The following PLCE1 variants were observed in gnomAD, a reference collection of about 807,000 sequenced individuals.
PLCE1 encodes the protein 1-phosphatidylinositol 4,5-bisphosphate phosphodiesterase epsilon-1.
In PLCE1, 119 loss-of-function variants were observed where a neutral mutation model predicts 242.8. The observed-to-expected ratio is 0.49, with a 90% CI of 0.42 to 0.57. The LOEUF is 0.57. Ranked by LOEUF, PLCE1 falls within the 20% of genes least tolerant of loss-of-function variation. The pLI is 0.00. For synonymous variants in PLCE1, 945 were observed against 1,017.4 expected, an observed-to-expected ratio of 0.93 and a Z score of 1.35; for missense variants, 2,441 against 2,788.8, an observed-to-expected ratio of 0.88 and a Z score of 2.81.
At chr10:94,149,444 CTT>C (rs1392913803) in intron 3 of PLCE1, among the ~76,000 whole-genome samples, 1 of 152,158 alleles carries the variant, frequency 6.6e-6, no homozygotes, top group African/African-American at 2.4e-5. Flanking sequence ...TAATAACTGC[CTT>C]TTATTGAATC....
chr10:94,234,388 C>G, intron 6 of PLCE1, 76 bp downstream of exon 6: 1 of 1,442,702 alleles, frequency 6.9e-7, no homozygotes, highest in Non-Finnish European at 9.7e-7. Flanking sequence ...TCTGTGCTCA[C>G]CAAAGAAATG....
At chr10:94,135,063 G>A (rs2046725351) in intron 3 of PLCE1, among the ~76,000 whole-genome samples, 1 of 152,060 alleles carries the variant, frequency 6.6e-6, no homozygotes, top group Non-Finnish European at 1.5e-5. Context: ...GTCTTTACGT[G>A]CCTCAGTTAA....
chr10:94,239,255 G>A (rs1296457184), intron 7 of PLCE1, among the ~76,000 whole-genome samples: 1 of 152,164 alleles, frequency 6.6e-6, no homozygotes, highest in African/African-American at 2.4e-5. Context: ...TAATCCCCAC[G>A]TGTCAAGGGA....
At chr10:94,212,558 T>C (rs2136958324) in intron 4 of PLCE1, among the ~76,000 whole-genome samples, 1 of 152,188 alleles carries the variant, frequency 6.6e-6, no homozygotes, top group African/African-American at 2.4e-5. Context: ...GCCCAGCCAA[T>C]TTTTGTATTT....
chr10:94,146,498 A>G (rs1002451093), intron 3 of PLCE1, among the ~76,000 whole-genome samples: 17 of 152,196 alleles, frequency 1.1e-4, no homozygotes, highest in African/African-American at 3.9e-4. Flanking sequence ...GCACAGCCAG[A>G]GCAGCTGGGA....
At chr10:94,220,376 T>TTATATATATTTATATA (rs2049688620) in intron 4 of PLCE1, among the ~76,000 whole-genome samples, 3 of 61,904 alleles carry the variant, frequency 4.8e-5, no homozygotes, top group Non-Finnish European at 8.8e-5. Context: ...ACTAAACATT[T>TTATATATATTTATATA]TATATATATA....
chr10:94,007,066 A>G (rs2061053316), intron 1 of PLCE1, among the ~76,000 whole-genome samples: 2 of 152,146 alleles, frequency 1.3e-5, no homozygotes, highest in Non-Finnish European at 2.9e-5. Context: ...GTTGATAAAG[A>G]GGACTATGGA....
chr10:94,282,869 G>A (rs1290727442), intron 20 of PLCE1, among the ~76,000 whole-genome samples: 3 of 152,098 alleles, frequency 2.0e-5, no homozygotes, highest in Admixed American at 2.0e-4. Context: ...TAACTGCATG[G>A]ATGTCAGCAT....
chr10:94,118,280 T>C (rs925515570), intron 2 of PLCE1, among the ~76,000 whole-genome samples: 6 of 152,164 alleles, frequency 3.9e-5, no homozygotes, highest in African/African-American at 7.2e-5. Context: ...ATCTTTCTTA[T>C]CTGACTATAG....
chr10:94,167,394 T>C (rs965777742), intron 3 of PLCE1, among the ~76,000 whole-genome samples: 5 of 152,236 alleles, frequency 3.3e-5, no homozygotes, highest in Non-Finnish European at 7.3e-5. Context: ...TCATTTACTA[T>C]GCTTATTGTT....
intron 7 of PLCE1, among the ~76,000 whole-genome samples, chr10:94,244,452 C>T (rs1182346043): frequency 6.6e-6 from 1 of 152,242 alleles, no homozygotes; most frequent in Non-Finnish European, 1.5e-5. Context: ...GGGCAGGTTC[C>T]TGCCAAGGTG....
chr10:94,003,356 C>A (rs1378746173), intron 1 of PLCE1, among the ~76,000 whole-genome samples: 1 of 152,172 alleles, frequency 6.6e-6, no homozygotes, highest in African/African-American at 2.4e-5. Context: ...TTATCAAATG[C>A]CAAAAAGGTA....
chr10:94,031,442 A>G lies in PLCE1; in HGVS notation c.396A>G (p.Glu132=). The change falls in exon 2 of 33, where the codon GAA becomes GAG. Residue 132 remains glutamate, a synonymous_variant. Coordinates refer to ENST00000371380, the MANE Select transcript of PLCE1 (RefSeq NM_016341.4). ...FYEMYNSVAE[E]DLCLETGIPS... ...AAATGTACAACTCTGTTGCTGAGGA[A>G]GACTTGTGTTTAGAAACTGGAATTC... is the stretch of plus-strand genomic sequence containing the variant. The G allele has an allele frequency of 6.2e-7, 1 of 1,613,800 alleles. No individual in the cohort carries two copies. Among genetic ancestry groups the G allele is most frequent in the Non-Finnish European group, 8.5e-7 (1 of 1,179,858 alleles).
At chr10:94,186,337 A>T (rs2048478968) in intron 4 of PLCE1, among the ~76,000 whole-genome samples, 1 of 152,224 alleles carries the variant, frequency 6.6e-6, no homozygotes, top group South Asian at 2.1e-4. Context: ...GACTTTTATC[A>T]TATAAACAGC....
chr10:94,069,053 A>G (rs531459810), intron 2 of PLCE1, among the ~76,000 whole-genome samples: 72 of 152,366 alleles, frequency 4.7e-4, no homozygotes, highest in African/African-American at 1.7e-3. Context: ...AATCCTTTAC[A>G]AACATTCCTT....
chr10:94,080,378 A>G (rs2044621445), intron 2 of PLCE1, among the ~76,000 whole-genome samples: 1 of 152,074 alleles, frequency 6.6e-6, no homozygotes. Flanking sequence ...TTCCTAGACC[A>G]CCACACCCCT....
intron 4 of PLCE1, among the ~76,000 whole-genome samples, chr10:94,212,448 G>C (rs188143963): frequency 3.3e-5 from 5 of 152,298 alleles, no homozygotes; most frequent in African/African-American, 9.6e-5. Flanking sequence ...AGTAGAGACA[G>C]GGTTTCACCG....
Position 94,328,114 on chromosome 10 carries a change from A to C in PLCE1, c.*171A>C. The stretch of plus-strand genomic sequence containing the variant: ...ATGCTGAGGAGAAGCAAAATGGCAC[A>C]GGGCTAGTTGCCACCAACCAATTTA... On this transcript the variant is annotated 3_prime_UTR_variant, in exon 33 of 33. Transcript: ENST00000371380. 2.6e-6 allele frequency: 1 copy of C among 391,146 alleles called. No individual in the cohort carries two copies. The highest frequency in any genetic ancestry group is 5.4e-6 in the Non-Finnish European group (1 of 186,136). 24.2% of individuals were successfully genotyped at this position (391,146 alleles called of 1,614,324 possible).
At chr10:94,111,214 GA>G (rs1212774824) in intron 2 of PLCE1, among the ~76,000 whole-genome samples, 1 of 152,180 alleles carries the variant, frequency 6.6e-6, no homozygotes, top group African/African-American at 2.4e-5. Flanking sequence ...TTTGGCATCA[GA>G]AAAATGTGGC....
Sources: gnomAD v4.1 joint callset for allele counts (sites outside exome capture counted in the v4.1 genomes callset) on GRCh38, gnomAD v4.1.1 for gene constraint, MANE v1.5 for transcripts, NCBI Gene and HGNC (gene_info 2026-07-23, HGNC 2026-07-21) for gene names.